The following QTMAN variants were observed in gnomAD, a reference collection of about 807,000 sequenced individuals.
The protein encoded by QTMAN is tRNA-queuosine alpha-mannosyltransferase.
At chr2:144,016,913 C>T in the QTMAN span, among the ~76,000 whole-genome samples, 2 of 151,958 alleles carry the variant, frequency 1.3e-5, no homozygotes, top group South Asian at 4.1e-4. Context: ...CAAAAATATA[C>T]TATTTTGAAA....
the QTMAN span, among the ~76,000 whole-genome samples, chr2:144,091,455 G>A: frequency 1.3e-5 from 2 of 152,032 alleles, no homozygotes; most frequent in African/African-American, 4.8e-5. Context: ...TCTTCAAAAG[G>A]TACTATTAAA....
At chr2:144,201,618 G>A in the QTMAN span, among the ~76,000 whole-genome samples, 1 of 152,164 alleles carries the variant, frequency 6.6e-6, no homozygotes, top group East Asian at 1.9e-4. Context: ...GTGTGCTAGC[G>A]CCATATGTCC....
chr2:144,133,229 AT>A, the QTMAN span, among the ~76,000 whole-genome samples: 2 of 67,120 alleles, frequency 3.0e-5, no homozygotes, highest in African/African-American at 1.6e-4. Context: ...ATAAATATAT[AT>A]TTATATTTAT....
the QTMAN span, among the ~76,000 whole-genome samples, chr2:144,111,333 A>G: frequency 6.6e-6 from 1 of 152,196 alleles, no homozygotes; most frequent in African/African-American, 2.4e-5. Context: ...CACCGGGTTC[A>G]CACCTCTGGG....
chr2:144,115,328 A>C, the QTMAN span, among the ~76,000 whole-genome samples: 1 of 152,226 alleles, frequency 6.6e-6, no homozygotes, highest in Non-Finnish European at 1.5e-5. Context: ...GCTCTGGCTA[A>C]GTTTAAGCAA....
the QTMAN span, among the ~76,000 whole-genome samples, chr2:143,988,018 A>G: frequency 6.6e-6 from 1 of 152,204 alleles, no homozygotes; most frequent in African/African-American, 2.4e-5. Context: ...TGGAAGAGTG[A>G]CCATGGCTTG....
the QTMAN span, among the ~76,000 whole-genome samples, chr2:144,182,914 T>A: frequency 0.15 from 15,619 of 104,886 alleles, 3,127 homozygotes; most frequent in African/African-American, 0.45. Context: ...TATATATATA[T>A]AAAATATGAG....
At chr2:144,273,186 A>G in the QTMAN span, among the ~76,000 whole-genome samples, 4 of 152,148 alleles carry the variant, frequency 2.6e-5, no homozygotes, top group Non-Finnish European at 4.4e-5. Context: ...TGAATGCTGA[A>G]ATGAAATGAT....
chr2:144,024,411 T>G, the QTMAN span, among the ~76,000 whole-genome samples: 1 of 152,238 alleles, frequency 6.6e-6, no homozygotes, highest in Non-Finnish European at 1.5e-5. Flanking sequence ...TATTCTATGC[T>G]TTTCTGGGTC....
chr2:144,167,049 C>T, the QTMAN span, among the ~76,000 whole-genome samples: 1 of 152,136 alleles, frequency 6.6e-6, no homozygotes, highest in African/African-American at 2.4e-5. Flanking sequence ...AATCTTTGTA[C>T]ATTATCTCTG....
chr2:144,081,284 C>CA, the QTMAN span, among the ~76,000 whole-genome samples: 1 of 151,998 alleles, frequency 6.6e-6, no homozygotes, highest in African/African-American at 2.4e-5. Context: ...GGGAAAGGAA[C>CA]AAAAATCAGA....
the QTMAN span, among the ~76,000 whole-genome samples, chr2:144,133,769 A>G: frequency 6.6e-6 from 1 of 151,066 alleles, no homozygotes; most frequent in African/African-American, 2.4e-5. Context: ...ATAATTCTAT[A>G]AATTTTTTAA....
the QTMAN span, among the ~76,000 whole-genome samples, chr2:144,330,910 T>C: frequency 6.6e-6 from 1 of 152,224 alleles, no homozygotes; most frequent in Non-Finnish European, 1.5e-5. Flanking sequence ...GAAAATTCTG[T>C]ATTTCTGTGA....
the QTMAN span, among the ~76,000 whole-genome samples, chr2:144,275,188 T>C: frequency 2.0e-5 from 3 of 152,142 alleles, no homozygotes; most frequent in East Asian, 5.8e-4. Context: ...ATTGAGACCA[T>C]CCTGGCTAAT....
chr2:143,959,521 T>C, the QTMAN span, among the ~76,000 whole-genome samples: 3 of 152,120 alleles, frequency 2.0e-5, no homozygotes, highest in South Asian at 2.1e-4. Flanking sequence ...AGGAAATGTA[T>C]ATGAAGCACC....
the QTMAN span, among the ~76,000 whole-genome samples, chr2:144,250,134 TTG>T: frequency 2.1e-3 from 306 of 144,222 alleles, 2 homozygotes; most frequent in African/African-American, 7.5e-3. Flanking sequence ...TTTTTTTTTT[TTG>T]TTTGTTTTTG....
the QTMAN span, among the ~76,000 whole-genome samples, chr2:144,298,401 A>G: frequency 4.6e-5 from 7 of 152,310 alleles, no homozygotes; most frequent in East Asian, 1.4e-3. Context: ...CCACTGCCCA[A>G]AAGAGTATAA....
the QTMAN span, chr2:143,942,315 T>G: frequency 6.0e-6 from 1 of 166,972 alleles, no homozygotes; most frequent in Non-Finnish European, 1.5e-5. Context: ...GCAGAGTGAG[T>G]GAGGATCCTG....
the QTMAN span, among the ~76,000 whole-genome samples, chr2:144,297,577 C>CCT: frequency 4.2e-5 from 5 of 119,300 alleles, no homozygotes; most frequent in Non-Finnish European, 8.8e-5. Flanking sequence ...AGGATTCCGT[C>CCT]TTTTTTTTTT....
Sources: allele counts gnomAD v4.1 joint callset (sites outside exome capture counted in the v4.1 genomes callset), GRCh38; gene constraint gnomAD v4.1.1; transcripts MANE v1.5; gene names NCBI Gene and HGNC (gene_info 2026-07-23, HGNC 2026-07-21).